Variants in ARHGAP21 observed in about 807,000 individuals in gnomAD.
The protein encoded by ARHGAP21 is Rho GTPase activating protein 21, also known as rho GTPase-activating protein 21.
Under a neutral mutation model 164.6 loss-of-function variants are expected in ARHGAP21, and 38 were observed. The ratio of observed to expected loss-of-function variants is 0.23; its 90% CI spans 0.18 to 0.30. The LOEUF is 0.30. ARHGAP21 is among the 10% of genes least tolerant of loss of function. ARHGAP21 has a pLI of 1.00. For missense variants in ARHGAP21, 1,822 were observed against 2,370.7 expected, an observed-to-expected ratio of 0.77 and a Z score of 4.81; for synonymous variants, 766 against 857.9, an observed-to-expected ratio of 0.89 and a Z score of 1.87.
intron 2 of ARHGAP21, among the ~76,000 whole-genome samples, chr10:24,708,776 G>A (rs959033568): frequency 4.6e-5 from 7 of 152,148 alleles, no homozygotes; most frequent in African/African-American, 1.7e-4. Context: ...TCTTATGGCT[G>A]AATAGTATTC....
intron 17 of ARHGAP21, 147 bp from the exon 18 acceptor site, chr10:24,596,190 T>C (rs2076570834): frequency 6.1e-6 from 4 of 658,722 alleles, no homozygotes; most frequent in South Asian, 2.7e-5. Flanking sequence ...GATCTGGGAA[T>C]AGATAAAACC....
At chr10:24,603,834 C>T (rs554943334) in intron 12 of ARHGAP21, among the ~76,000 whole-genome samples, 11 of 152,206 alleles carry the variant, frequency 7.2e-5, no homozygotes, top group African/African-American at 2.6e-4. Flanking sequence ...CCCATCTCTA[C>T]TAAAAATACA....
chr10:24,670,492 G>A (rs930913015), intron 2 of ARHGAP21, 95 bp from the exon 3 acceptor site: 65 of 730,282 alleles, frequency 8.9e-5, no homozygotes, highest in Admixed American at 2.0e-4. Flanking sequence ...CCTGAGCGCC[G>A]ATATGAACTA....
At chr10:24,605,880 AT>A (rs1160530676) in intron 11 of ARHGAP21, 1 of 152,196 alleles carries the variant, frequency 6.6e-6, no homozygotes, top group Non-Finnish European at 1.5e-5. Context: ...AACTACCATA[AT>A]TAATAGAACC....
chr10:24,601,117 G>A (rs1197462921), intron 13 of ARHGAP21, among the ~76,000 whole-genome samples, 187 bp from the exon 14 acceptor site: 1 of 152,164 alleles, frequency 6.6e-6, no homozygotes, highest in African/African-American at 2.4e-5. Flanking sequence ...ACTGAGTTAG[G>A]CAGTGTATTC....
At chr10:24,660,465 A>T (rs893791027) in intron 4 of ARHGAP21, among the ~76,000 whole-genome samples, 1 of 151,432 alleles carries the variant, frequency 6.6e-6, no homozygotes, top group African/African-American at 2.4e-5. Flanking sequence ...AAAGAGATCC[A>T]TGTAACGCTG....
At chr10:24,672,781 T>C (rs1006997225) in intron 2 of ARHGAP21, among the ~76,000 whole-genome samples, 12 of 152,156 alleles carry the variant, frequency 7.9e-5, no homozygotes, top group South Asian at 2.1e-4. Context: ...GGTGGTAACA[T>C]TGCCCAGCCA....
At chr10:24,616,948 T>G (rs1834006307) in intron 9 of ARHGAP21, among the ~76,000 whole-genome samples, 1 of 152,148 alleles carries the variant, frequency 6.6e-6, no homozygotes, top group Non-Finnish European at 1.5e-5. Flanking sequence ...TTCATTTTGT[T>G]TTGTATGCCT....
intron 4 of ARHGAP21, among the ~76,000 whole-genome samples, chr10:24,652,189 A>C (rs1391821400): frequency 6.6e-6 from 1 of 151,558 alleles, no homozygotes; most frequent in Non-Finnish European, 1.5e-5. Flanking sequence ...GCAAGTCTAG[A>C]AACAGATCTA....
chr10:24,645,585 G>GAAA (rs34672775), intron 4 of ARHGAP21, among the ~76,000 whole-genome samples: 1 of 116,330 alleles, frequency 8.6e-6, no homozygotes, highest in Non-Finnish European at 1.9e-5. Flanking sequence ...CTCTGTCTCA[G>GAAA]AAAAAAAAAA....
chr10:24,709,770 C>CACAACA (rs144410501), intron 2 of ARHGAP21, among the ~76,000 whole-genome samples: 12 of 148,826 alleles, frequency 8.1e-5, no homozygotes, highest in South Asian at 6.4e-4. Flanking sequence ...CAGACAAGGA[C>CACAACA]ACAACAACAA....
intron 7 of ARHGAP21, among the ~76,000 whole-genome samples, chr10:24,628,136 G>A (rs1488381813): frequency 1.3e-5 from 2 of 152,188 alleles, no homozygotes; most frequent in Admixed American, 1.3e-4. Flanking sequence ...ATAGCCATTG[G>A]TGTCTGTGGT....
rs1365228054 is a variant in ARHGAP21 at position 24,619,924 on chromosome 10, C to G, written c.1971G>C (p.Gln657His). The G allele has an allele frequency of 2.5e-6, 4 of 1,614,012 alleles. No individual in the cohort carries two copies. The African/African-American group carries it at 4.0e-5, about 16-fold the overall frequency. The change falls in exon 9 of 26, where the codon CAG (glutamine) becomes CAC (histidine). Residue 657 changes from glutamine (Q) to histidine (H), a missense_variant. Gln to His is a conservative substitution (Grantham distance 24, BLOSUM62 0). Coordinates refer to ENST00000396432, the MANE Select transcript of ARHGAP21 (RefSeq NM_020824.4). ...ATGTCTGCTGATTCAACAGACTGTT[C>G]TGATGCAAGTGATTTACTGGTCTTT... Reference protein sequence around the residue: ...KDQRPVNHLHQNSLLNQQTWV... With the variant: ...KDQRPVNHLHHNSLLNQQTWV...
intron 17 of ARHGAP21, 156 bp downstream of exon 17, chr10:24,596,584 A>G: frequency 1.0e-6 from 1 of 952,626 alleles, no homozygotes; most frequent in Non-Finnish European, 1.5e-6. Flanking sequence ...GAAAAAAAGC[A>G]TTACAGGTCA....
At chr10:24,712,492 G>A (rs551475037) in intron 2 of ARHGAP21, among the ~76,000 whole-genome samples, 7 of 152,254 alleles carry the variant, frequency 4.6e-5, no homozygotes, top group Admixed American at 4.6e-4. Context: ...ACCTCCTGCA[G>A]TAAATCATCT....
rs753556425 is a variant in ARHGAP21, at chr10:24,585,838, C to T, written c.4451G>A (p.Ser1484Asn). 6.2e-7 allele frequency: 1 copy of T among 1,613,954 alleles called. No homozygotes were observed. Among genetic ancestry groups the T allele is most frequent in the East Asian group, 2.2e-5 (1 of 44,878 alleles). ...AKENSTRKDP[S>N]TTKDEKISLG... ...TGATATCTTTTCATCTTTTGTCGTG[C>T]TGGGGTCTTTCCTAGTGCTGTTTTC... is the stretch of plus-strand genomic sequence containing the variant. The change falls in exon 26 of 26, where the codon AGC becomes AAC. Residue 1484 changes from serine (S) to asparagine (N), a missense_variant. Physicochemically the swap from Ser to Asn is conservative, Grantham distance 46. Coordinates refer to ENST00000396432, the MANE Select transcript of ARHGAP21 (RefSeq NM_020824.4).
At chr10:24,663,202 T>G (rs1200565601) in intron 4 of ARHGAP21, among the ~76,000 whole-genome samples, 1 of 152,186 alleles carries the variant, frequency 6.6e-6, no homozygotes, top group African/African-American at 2.4e-5. Flanking sequence ...ATTGACTCTA[T>G]ATTTTCTTAC....
intron 9 of ARHGAP21, among the ~76,000 whole-genome samples, chr10:24,610,269 C>T (rs1227559578): frequency 2.0e-5 from 3 of 151,494 alleles, no homozygotes; most frequent in South Asian, 2.1e-4. Flanking sequence ...CCCAGCTACT[C>T]GGGAAGCTGA....
intron 4 of ARHGAP21, among the ~76,000 whole-genome samples, chr10:24,653,853 G>C (rs1188854259): frequency 6.6e-6 from 1 of 151,934 alleles, no homozygotes; most frequent in Non-Finnish European, 1.5e-5. Context: ...ATAAAAAGTA[G>C]ATAAATTATA....
Sources: allele counts gnomAD v4.1 joint callset (sites outside exome capture counted in the v4.1 genomes callset), GRCh38; gene constraint gnomAD v4.1.1; transcripts MANE v1.5; gene names NCBI Gene and HGNC (gene_info 2026-07-23, HGNC 2026-07-21).